SORCS3: variants seen among roughly 807,000 people sequenced by gnomAD.
The protein encoded by SORCS3 is VPS10 domain-containing receptor SorCS3.
Under a neutral mutation model 146.3 loss-of-function variants are expected in SORCS3, and 57 were observed. The ratio of observed to expected loss-of-function variants is 0.39; its 90% confidence interval spans 0.31 to 0.49. SORCS3 has a LOEUF of 0.49. SORCS3 is among the 20% of genes least tolerant of loss of function. The pLI is 0.92. For missense variants in SORCS3, 1,341 were observed against 1,575.5 expected (o/e 0.85, Z 2.52); for synonymous variants, 653 against 618.5 (o/e 1.06, Z -0.83).
rs567302850 is a variant in SORCS3, at chr10:105,222,176, A to G, written c.2735-940A>G. On this transcript the variant is annotated intron_variant, in intron 19 of 26. Coordinates refer to ENST00000369701, the MANE Select transcript of SORCS3 (RefSeq NM_014978.3). The stretch of plus-strand genomic sequence containing the variant: ...TGGGTTCAAGTGATTCTCCTGCCTC[A>G]GCCTCCCAAGTAGCTGGGATTAAAA... Among the ~76,000 whole-genome samples the G allele has an allele frequency of 2.0e-5, 3 of 148,336 alleles. 1 individual carries two copies. The highest frequency in any genetic ancestry group is 7.5e-5 in the African/African-American group (3 of 40,014).
chr10:104,876,009 G>GT (rs1192255396), intron 2 of SORCS3, among the ~76,000 whole-genome samples: 3 of 152,146 alleles, frequency 2.0e-5, no homozygotes, highest in Admixed American at 1.3e-4. Context: ...TCTGAACCAT[G>GT]TTTTTTTCCC....
At chr10:105,039,547 C>G (rs75225080) in intron 4 of SORCS3, among the ~76,000 whole-genome samples, 1 of 150,514 alleles carries the variant, frequency 6.6e-6, no homozygotes, top group Non-Finnish European at 1.5e-5. Context: ...GCCTCCGCCT[C>G]CCAGGTTCAA....
chr10:104,805,228 T>C (rs932815802), intron 1 of SORCS3, among the ~76,000 whole-genome samples: 4 of 152,150 alleles, frequency 2.6e-5, no homozygotes, highest in African/African-American at 7.2e-5. Flanking sequence ...GAGATGCAGA[T>C]GCAAATTGTC....
chr10:104,655,819 TC>T, intron 1 of SORCS3, among the ~76,000 whole-genome samples: 1 of 152,070 alleles, frequency 6.6e-6, no homozygotes, highest in Non-Finnish European at 1.5e-5. Context: ...AGACATCTGC[TC>T]CCCCTTTGCC....
intron 1 of SORCS3, 113 bp downstream of exon 1, chr10:104,642,067 T>A: frequency 8.0e-7 from 1 of 1,255,380 alleles, no homozygotes; most frequent in African/African-American, 1.5e-5. Context: ...GGGGGACGCC[T>A]CGACTTTTCG....
chr10:105,229,830 G>A (rs2056756774), intron 20 of SORCS3, among the ~76,000 whole-genome samples: 2 of 152,164 alleles, frequency 1.3e-5, no homozygotes, highest in Non-Finnish European at 2.9e-5. Flanking sequence ...ACTGATTCCT[G>A]GGCCTTCAGG....
chr10:104,935,205 C>T (rs1294226827), intron 3 of SORCS3, among the ~76,000 whole-genome samples: 1 of 152,330 alleles, frequency 6.6e-6, no homozygotes, highest in East Asian at 1.9e-4. Flanking sequence ...AGGTTAAAAA[C>T]TTACCTCACT....
intron 2 of SORCS3, among the ~76,000 whole-genome samples, chr10:104,877,479 A>T (rs774733398): frequency 6.6e-6 from 1 of 152,132 alleles, no homozygotes; most frequent in Non-Finnish European, 1.5e-5. Flanking sequence ...CTCATAAAAT[A>T]TTTTCAATAA....
chr10:105,225,529 T>G (rs570001437), intron 20 of SORCS3, among the ~76,000 whole-genome samples: 1 of 152,136 alleles, frequency 6.6e-6, no homozygotes, highest in South Asian at 2.1e-4. Flanking sequence ...GTTCTTCAAC[T>G]TTGTTCTCCT....
chr10:104,965,987 T>G (rs192734663), intron 3 of SORCS3, among the ~76,000 whole-genome samples: 20 of 152,232 alleles, frequency 1.3e-4, no homozygotes, highest in African/African-American at 4.8e-4. Context: ...TACATGCATA[T>G]TGGTGTTCCG....
chr10:104,940,215 TATATATATATATATATATATA>T (rs1380163260), intron 3 of SORCS3, among the ~76,000 whole-genome samples: 1 of 14,688 alleles, frequency 6.8e-5, no homozygotes, highest in Non-Finnish European at 1.3e-4. Context: ...TATATATATA[TATATATATATATATATATATA>T]TATTTTTTTT....
intron 14 of SORCS3, among the ~76,000 whole-genome samples, chr10:105,189,048 A>G (rs2056497000): frequency 6.6e-6 from 1 of 152,226 alleles, no homozygotes; most frequent in Non-Finnish European, 1.5e-5. Flanking sequence ...GGGTCACTGG[A>G]GAGCAGTTGA....
At chr10:104,770,401 G>C (rs951801909) in intron 1 of SORCS3, among the ~76,000 whole-genome samples, 14 of 152,198 alleles carry the variant, frequency 9.2e-5, no homozygotes, top group Non-Finnish European at 1.9e-4. Context: ...GCAGTTCCAT[G>C]GTATCTGTGG....
At chr10:104,994,139 A>G (rs1354300416) in intron 4 of SORCS3, among the ~76,000 whole-genome samples, 1 of 152,192 alleles carries the variant, frequency 6.6e-6, no homozygotes. Flanking sequence ...CTTACCATGT[A>G]CCAAGACCTA....
intron 5 of SORCS3, among the ~76,000 whole-genome samples, chr10:105,062,723 GACTCAAA>G (rs2055496220): frequency 6.6e-6 from 1 of 152,178 alleles, no homozygotes; most frequent in African/African-American, 2.4e-5. Context: ...AAAACCTAAA[GACTCAAA>G]ACTTCATTCC....
intron 1 of SORCS3, among the ~76,000 whole-genome samples, chr10:104,727,493 T>A (rs1457927076): frequency 6.6e-6 from 1 of 151,938 alleles, no homozygotes; most frequent in Non-Finnish European, 1.5e-5. Flanking sequence ...AAAACTTGGA[T>A]CTTATAGTAC....
chr10:104,953,540 T>G (rs1052192927), intron 3 of SORCS3, among the ~76,000 whole-genome samples: 7 of 152,236 alleles, frequency 4.6e-5, no homozygotes, highest in Admixed American at 2.0e-4. Context: ...TCACAAGCAC[T>G]TCAGACAGTG....
chr10:105,254,126 G>C (rs1460323719), intron 23 of SORCS3, among the ~76,000 whole-genome samples: 3 of 152,162 alleles, frequency 2.0e-5, no homozygotes, highest in Admixed American at 6.5e-5. Flanking sequence ...GAAAAGTAAA[G>C]AACAAAAATT....
chr10:105,065,461 T>G (rs1243992715), intron 5 of SORCS3, among the ~76,000 whole-genome samples: 2 of 151,948 alleles, frequency 1.3e-5, no homozygotes. Flanking sequence ...GAGAACCAAC[T>G]GCACACGACG....
Sources: allele counts gnomAD v4.1 joint callset (sites outside exome capture counted in the v4.1 genomes callset), GRCh38; gene constraint gnomAD v4.1.1; transcripts MANE v1.5; gene names NCBI Gene and HGNC (gene_info 2026-07-23, HGNC 2026-07-21).